The following VRK2 variants were observed in gnomAD, a reference collection of about 807,000 sequenced individuals.
The protein encoded by VRK2 is serine/threonine-protein kinase VRK2.
VRK2 carries 60 observed loss-of-function variants against 57.6 expected under a neutral mutation model. The ratio of observed to expected loss-of-function variants is 1.04; its 90% CI spans 0.85 to 1.29. The LOEUF is 1.29. Ranked by LOEUF, VRK2 falls within the 50% of genes most tolerant of loss-of-function variation. The probability of loss-of-function intolerance (pLI) is 0.00; values close to 1 mark genes in which losing one functional copy is unlikely to be tolerated. For missense variants in VRK2, 705 were observed against 588.1 expected (o/e 1.20, Z -2.06); for synonymous variants, 231 against 199.2 (o/e 1.16, Z -1.35).
At chr2:57,911,652 T>A (rs1168045948) in intron 1 of VRK2, among the ~76,000 whole-genome samples, 1 of 152,232 alleles carries the variant, frequency 6.6e-6, no homozygotes, top group Non-Finnish European at 1.5e-5. Flanking sequence ...CTTGAAGGCA[T>A]TAGCATAATT....
intron 7 of VRK2, among the ~76,000 whole-genome samples, chr2:58,099,993 G>A (rs993931309): frequency 2.0e-5 from 3 of 151,978 alleles, no homozygotes; most frequent in Non-Finnish European, 2.9e-5. Flanking sequence ...AAAGTGTCTT[G>A]CCTATTGTTG....
chr2:58,087,766 A>G (rs557222501), intron 5 of VRK2, among the ~76,000 whole-genome samples: 2 of 152,308 alleles, frequency 1.3e-5, no homozygotes, highest in Admixed American at 6.5e-5. Flanking sequence ...AGGCAGGCGG[A>G]TCATGAGGTC....
At chr2:57,989,263 A>G (rs1257876301) in intron 1 of VRK2, among the ~76,000 whole-genome samples, 2 of 152,138 alleles carry the variant, frequency 1.3e-5, no homozygotes, top group African/African-American at 4.8e-5. Flanking sequence ...CATTTAAATA[A>G]TTTTACATTT....
At chr2:58,156,055 T>G (rs1360156338) in intron 12 of VRK2, among the ~76,000 whole-genome samples, 1 of 151,952 alleles carries the variant, frequency 6.6e-6, no homozygotes, top group Non-Finnish European at 1.5e-5. Context: ...TTTAGAATTT[T>G]CAGTGTTTTG....
Position 58,136,940 on chromosome 2 carries a change from T to G in VRK2, c.856+1741T>G, listed in dbSNP as rs1003194312. ...CATATATGTGTATATATCATATATA[T>G]TATATATCATATATGTGTATATATA... is the stretch of plus-strand genomic sequence containing the variant. On this transcript the variant is annotated intron_variant, in intron 10 of 12. Transcript: ENST00000340157. Among the ~76,000 whole-genome samples the G allele has an allele frequency of 1.8e-4, 24 of 136,034 alleles. No individual in the cohort carries two copies. In the East Asian group the frequency reaches 4.4e-3, roughly 25 times the overall value. 89.2% of individuals were successfully genotyped at this position (136,034 alleles called of 152,430 possible).
chr2:58,146,779 C>A (rs1014101893), intron 12 of VRK2, among the ~76,000 whole-genome samples: 1 of 151,916 alleles, frequency 6.6e-6, no homozygotes, highest in Non-Finnish European at 1.5e-5. Context: ...GTATTCTATA[C>A]TTTTACATTG....
At chr2:58,012,787 T>C (rs1673452473) in intron 1 of VRK2, among the ~76,000 whole-genome samples, 1 of 152,206 alleles carries the variant, frequency 6.6e-6, no homozygotes, top group South Asian at 2.1e-4. Flanking sequence ...CCAAATCTAT[T>C]TTTCATTATA....
rs1165074618 is a variant in VRK2 at position 57,913,943 on chromosome 2, CT to C, written c.-439+6106del. 2.0e-5 allele frequency among the ~76,000 whole-genome samples: 3 copies of C among 151,978 alleles called. No homozygotes were observed. The East Asian group carries it at 5.8e-4, about 29-fold the overall frequency. The stretch of plus-strand genomic sequence containing the variant: ...AAATGTAACCACAATAAGTTATTAG[CT>C]TGCCTATATAAATGCCAACAAAAAT... On this transcript the variant is annotated intron_variant, in intron 1 of 15. Coordinates refer to the VRK2 transcript ENST00000417641.
chr2:58,035,573 A>G (rs1674249606), intron 3 of VRK2, among the ~76,000 whole-genome samples: 1 of 152,052 alleles, frequency 6.6e-6, no homozygotes, highest in African/African-American at 2.4e-5. Flanking sequence ...TATGAAATGA[A>G]TCAGCACTGT....
intron 1 of VRK2, among the ~76,000 whole-genome samples, chr2:57,994,865 TAATGAG>T (rs766045957): frequency 7.4e-4 from 112 of 152,292 alleles, no homozygotes; most frequent in Non-Finnish European, 1.5e-3. Context: ...CAAAAAAAAT[TAATGAG>T]AATGACATTA....
chr2:57,929,885 T>G (rs565703979), intron 1 of VRK2, among the ~76,000 whole-genome samples: 1 of 152,252 alleles, frequency 6.6e-6, no homozygotes, highest in Non-Finnish European at 1.5e-5. Context: ...ATGGGGGCTG[T>G]TGGACTCTGC....
intron 1 of VRK2, among the ~76,000 whole-genome samples, chr2:57,944,413 G>C (rs968725476): frequency 6.6e-6 from 1 of 152,202 alleles, no homozygotes; most frequent in Non-Finnish European, 1.5e-5. Flanking sequence ...GAAATTCTTA[G>C]AAGTATTAGG....
intron 7 of VRK2, among the ~76,000 whole-genome samples, chr2:58,098,126 TAAAAA>T (rs967676872): frequency 6.6e-6 from 1 of 151,338 alleles, no homozygotes; most frequent in East Asian, 1.9e-4. Flanking sequence ...TTTAAAAAAA[TAAAAA>T]AGAAAATAAA....
chr2:57,962,732 A>C (rs1262458144), intron 1 of VRK2, among the ~76,000 whole-genome samples: 1 of 152,210 alleles, frequency 6.6e-6, no homozygotes, highest in East Asian at 1.9e-4. Flanking sequence ...AAAATTTCTT[A>C]TGGCAGAAAT....
rs374635906 is a variant in VRK2 at position 58,052,451 on chromosome 2, A to G, written c.136+3484A>G. ...AAACCCCATCTCTACTAAAACACAA[A>G]AAATTAGCTGGTTGTGGTAATGTGT... On this transcript the variant is annotated intron_variant, in intron 2 of 12. Transcript: ENST00000340157. 5.3e-5 allele frequency among the ~76,000 whole-genome samples: 8 copies of G among 152,158 alleles called. No individual in the cohort carries two copies. In the East Asian group the frequency reaches 1.2e-3, roughly 22 times the overall value.
upstream of VRK2, among the ~76,000 whole-genome samples, chr2:58,041,922 C>G (rs549394976): frequency 7.9e-5 from 12 of 152,204 alleles, no homozygotes; most frequent in South Asian, 1.9e-3. Flanking sequence ...CTCCTACCCC[C>G]CTTTCAAGCT....
rs533833457 is a variant in VRK2, at chr2:58,146,502, TC to T, written c.1182+29del. ...GAGAGGGTTGTTTGTGTGTGTTTTTTCTAACTTAATGTTACATTAGAATATG... is the reference window on the plus strand; with the variant it reads ...GAGAGGGTTGTTTGTGTGTGTTTTTTTAACTTAATGTTACATTAGAATATG... On this transcript the variant is annotated intron_variant, in intron 12 of 12. Coordinates refer to ENST00000340157, the MANE Select transcript of VRK2 (RefSeq NM_006296.7). The T allele has an allele frequency of 8.2e-6, 13 of 1,593,728 alleles. No homozygotes were observed. The African/African-American group carries it at 1.8e-4, about 22-fold the overall frequency.
intron 1 of VRK2, among the ~76,000 whole-genome samples, chr2:58,019,534 T>G (rs1673686661): frequency 1.3e-5 from 2 of 152,242 alleles, no homozygotes; most frequent in African/African-American, 4.8e-5. Flanking sequence ...GATCCATCTT[T>G]GATTTTCAAA....
intron 9 of VRK2, among the ~76,000 whole-genome samples, chr2:58,134,467 C>A (rs1412641942): frequency 6.6e-6 from 1 of 151,348 alleles, no homozygotes; most frequent in African/African-American, 2.4e-5. Context: ...AAAAATTAGC[C>A]GGGCGCGGTG....
Sources: allele counts gnomAD v4.1 joint callset (sites outside exome capture counted in the v4.1 genomes callset), GRCh38; gene constraint gnomAD v4.1.1; transcripts MANE v1.5; gene names NCBI Gene and HGNC (gene_info 2026-07-23, HGNC 2026-07-21).